The following INSC variants were observed in gnomAD, a reference collection of about 807,000 sequenced individuals.
INSC encodes protein inscuteable homolog.
Under a neutral mutation model 58.6 loss-of-function variants are expected in INSC, and 67 were observed. That is an observed-to-expected ratio of 1.14 (90% CI 0.94 to 1.40). The LOEUF (loss-of-function observed/expected upper bound fraction) is 1.40. INSC is among the 40% of genes most tolerant of loss of function. INSC has a pLI of 0.00. For missense variants in INSC, 714 were observed against 692.0 expected, an observed-to-expected ratio of 1.03 and a Z score of -0.36; for synonymous variants, 262 against 276.1, an observed-to-expected ratio of 0.95 and a Z score of 0.51.
intron 5 of INSC, among the ~76,000 whole-genome samples, chr11:15,179,432 T>C (rs979103347): frequency 1.3e-5 from 2 of 152,258 alleles, no homozygotes; most frequent in African/African-American, 4.8e-5. Flanking sequence ...TCTCTTTCCA[T>C]GTCGGCTCCT....
At chr11:15,265,828 CTT>C in the INSC span, among the ~76,000 whole-genome samples, 534 of 128,616 alleles carry the variant, frequency 4.2e-3, no homozygotes, top group South Asian at 6.0e-3. Flanking sequence ...ATTGTTCTTG[CTT>C]TTTTTTTTTT....
At chr11:15,171,306 A>AGTC (rs1849388546) in intron 2 of INSC, among the ~76,000 whole-genome samples, 1 of 152,116 alleles carries the variant, frequency 6.6e-6, no homozygotes, top group Admixed American at 6.5e-5. Context: ...GCTGTTTTCC[A>AGTC]GTCCTAGCCA....
intron 2 of INSC, among the ~76,000 whole-genome samples, chr11:15,172,667 G>T (rs1434751268): frequency 6.6e-6 from 1 of 152,184 alleles, no homozygotes; most frequent in Admixed American, 6.5e-5. Context: ...GAAGAAAAGA[G>T]GTTTCTAATC....
At chr11:15,175,700 G>A (rs1849546003) in intron 2 of INSC, 41 bp from the exon 3 acceptor site, 2 of 1,447,748 alleles carry the variant, frequency 1.4e-6, no homozygotes, top group African/African-American at 1.4e-5. Flanking sequence ...TGGAAATCAT[G>A]GGGTGTTGAT....
intron 1 of INSC, among the ~76,000 whole-genome samples, chr11:15,132,579 G>A (rs1482212064): frequency 1.3e-5 from 2 of 152,140 alleles, no homozygotes; most frequent in Admixed American, 1.3e-4. Context: ...GAGTCAACGT[G>A]CCCGGCCCTG....
At chr11:15,122,153 A>G (rs1236103033) in intron 1 of INSC, among the ~76,000 whole-genome samples, 3 of 152,220 alleles carry the variant, frequency 2.0e-5, no homozygotes, top group Non-Finnish European at 4.4e-5. Flanking sequence ...TCTCCAATCA[A>G]CCAATACAAT....
chr11:15,119,607 A>T (rs879810366), intron 1 of INSC, among the ~76,000 whole-genome samples: 10 of 152,214 alleles, frequency 6.6e-5, no homozygotes, highest in Non-Finnish European at 1.3e-4. Flanking sequence ...CTTACAAACC[A>T]AATATTCTGG....
intron 2 of INSC, among the ~76,000 whole-genome samples, chr11:15,154,118 G>C (rs943089582): frequency 4.6e-5 from 7 of 152,232 alleles, no homozygotes; most frequent in African/African-American, 1.7e-4. Context: ...TCTGCTCAAG[G>C]ATAAATGTTC....
At chr11:15,240,581 G>A in intron 12 of INSC, 58 bp downstream of exon 12, 1 of 1,447,326 alleles carries the variant, frequency 6.9e-7, no homozygotes, top group Non-Finnish European at 9.6e-7. Flanking sequence ...AGCCAAGGGG[G>A]CCAGGAGAAC....
At chr11:15,264,585 C>G in the INSC span, among the ~76,000 whole-genome samples, 2 of 149,998 alleles carry the variant, frequency 1.3e-5, no homozygotes, top group African/African-American at 2.5e-5. Flanking sequence ...ACCTCAAATT[C>G]TTCTCATGCT....
chr11:15,246,186 C>A lies in INSC; in HGVS notation c.*146C>A. 1.4e-6 allele frequency: 1 copy of A among 729,408 alleles called. No homozygotes were observed. The highest frequency in any genetic ancestry group is 2.1e-6 in the Non-Finnish European group (1 of 470,642). 45.2% of individuals were successfully genotyped at this position (729,408 alleles called of 1,614,324 possible). On this transcript the variant is annotated 3_prime_UTR_variant, in exon 13 of 13. Coordinates refer to ENST00000379556, the MANE Select transcript of INSC (RefSeq NM_001042536.3). ...GTGTGAAATAAATGGAGGACAAAAT[C>A]TTAGAGCAACATCATCAAACAGTCT...
chr11:15,238,065 A>C lies in INSC; in HGVS notation c.1238-854A>C, dbSNP rs544367993. Among the ~76,000 whole-genome samples the C allele has an allele frequency of 2.0e-4, 31 of 152,250 alleles. No individual in the cohort carries two copies. In the South Asian group the frequency reaches 6.0e-3, roughly 30 times the overall value. ...GGCAGTTGGGCAACAGCTCACACAGAAGATGAACTTTTGCTACAACCTGCA... is the reference window on the plus strand; with the variant it reads ...GGCAGTTGGGCAACAGCTCACACAGCAGATGAACTTTTGCTACAACCTGCA... On this transcript the variant is annotated intron_variant, in intron 10 of 12. Transcript: ENST00000379556.
At chr11:15,122,234 T>C (rs1847891557) in intron 1 of INSC, among the ~76,000 whole-genome samples, 1 of 152,210 alleles carries the variant, frequency 6.6e-6, no homozygotes, top group Non-Finnish European at 1.5e-5. Flanking sequence ...AGGAATACTT[T>C]AGATTGGGTG....
intron 6 of INSC, among the ~76,000 whole-genome samples, chr11:15,191,365 ATCTT>A (rs1850170723): frequency 6.6e-6 from 1 of 152,104 alleles, no homozygotes; most frequent in Non-Finnish European, 1.5e-5. Flanking sequence ...AGCCTCTATC[ATCTT>A]TCTTTATGGG....
At chr11:15,185,715 TTTAAGTGAATGATGATGGTA>T (rs1849939889) in intron 5 of INSC, among the ~76,000 whole-genome samples, 1 of 152,160 alleles carries the variant, frequency 6.6e-6, no homozygotes, top group Non-Finnish European at 1.5e-5. Context: ...TTCATGTATT[TTTAAGTGAATGATGATGGTA>T]TTAAGTTGTT....
chr11:15,255,362 G>A, the INSC span, among the ~76,000 whole-genome samples: 1 of 152,066 alleles, frequency 6.6e-6, no homozygotes. Context: ...AGGAGAATAG[G>A]CATGAGAATA....
At chr11:15,138,308 C>T (rs1374361192) in intron 1 of INSC, among the ~76,000 whole-genome samples, 2 of 152,130 alleles carry the variant, frequency 1.3e-5, no homozygotes, top group East Asian at 3.9e-4. Flanking sequence ...AAAGTGAGCA[C>T]ATACTACTGG....
intron 7 of INSC, among the ~76,000 whole-genome samples, chr11:15,214,343 A>G (rs1337052429): frequency 6.6e-6 from 1 of 152,136 alleles, no homozygotes; most frequent in Non-Finnish European, 1.5e-5. Context: ...TCCTGCTCCT[A>G]TGGCTGCGTT....
At chr11:15,153,612 A>G (rs1848719301) in intron 2 of INSC, among the ~76,000 whole-genome samples, 1 of 152,246 alleles carries the variant, frequency 6.6e-6, no homozygotes, top group Non-Finnish European at 1.5e-5. Context: ...CCTTTCTCCC[A>G]TTTCCAAAGA....
Sources: gnomAD v4.1 joint callset for allele counts (sites outside exome capture counted in the v4.1 genomes callset) on GRCh38, gnomAD v4.1.1 for gene constraint, MANE v1.5 for transcripts, NCBI Gene and HGNC (gene_info 2026-07-23, HGNC 2026-07-21) for gene names.